The following MAD1L1 variants were observed in gnomAD, a reference collection of about 807,000 sequenced individuals.
The protein encoded by MAD1L1 is mitotic arrest deficient 1 like 1, also known as mitotic spindle assembly checkpoint protein MAD1.
A neutral mutation model predicts 96.9 loss-of-function variants in MAD1L1; 95 were observed. The ratio of observed to expected loss-of-function variants is 0.98; its 90% confidence interval spans 0.83 to 1.16. MAD1L1 has a LOEUF of 1.16. MAD1L1 is among the 50% of genes most tolerant of loss of function. The pLI, the probability that MAD1L1 is intolerant of heterozygous loss-of-function variation, is 0.00. For synonymous variants in MAD1L1, 473 were observed against 396.6 expected (o/e 1.19, Z -2.29); for missense variants, 1,007 against 954.4 (o/e 1.06, Z -0.73).
At chr7:2,138,425 C>T (rs1352411595) in intron 11 of MAD1L1, among the ~76,000 whole-genome samples, 6 of 152,156 alleles carry the variant, frequency 3.9e-5, no homozygotes, top group Admixed American at 2.0e-4. Context: ...ACGAGGTGGG[C>T]GCCAGACCAA....
chr7:1,817,489 T>TGATACACGCTGCCACG (rs1781876417), intron 18 of MAD1L1: 1 of 152,214 alleles, frequency 6.6e-6, no homozygotes, highest in African/African-American at 2.4e-5. Flanking sequence ...AGCCGAACTC[T>TGATACACGCTGCCACG]GATACACGCT....
chr7:2,222,538 G>C, intron 5 of MAD1L1, 37 bp downstream of exon 5: 1 of 1,510,118 alleles, frequency 6.6e-7, no homozygotes, highest in Non-Finnish European at 8.9e-7. Context: ...CCTCTCCTCG[G>C]GAAAACAGCT....
intron 12 of MAD1L1, among the ~76,000 whole-genome samples, chr7:2,047,920 TCA>T (rs1415112990): frequency 6.6e-6 from 1 of 151,800 alleles, no homozygotes; most frequent in Non-Finnish European, 1.5e-5. Context: ...AATGCACAGT[TCA>T]CACAGATGTG....
intron 10 of MAD1L1, among the ~76,000 whole-genome samples, chr7:2,173,717 C>T (rs1424896932): frequency 6.6e-6 from 1 of 152,216 alleles, no homozygotes; most frequent in Non-Finnish European, 1.5e-5. Flanking sequence ...CTGCTCCCTG[C>T]GTTCCAATCC....
chr7:1,856,615 A>G (rs1436952066), intron 18 of MAD1L1, among the ~76,000 whole-genome samples: 2 of 152,200 alleles, frequency 1.3e-5, no homozygotes, highest in Admixed American at 1.3e-4. Flanking sequence ...AGATTCATTA[A>G]TAAAGAAAAG....
chr7:1,839,327 CAGGAAAGCGTCCTGCCCCCTGCCT>C, intron 18 of MAD1L1, among the ~76,000 whole-genome samples: 1 of 64,542 alleles, frequency 1.5e-5, no homozygotes, highest in South Asian at 6.1e-4. Flanking sequence ...TCCTGCCTGG[CAGGAAAGCGTCCTGCCCCCTGCCT>C]GGCAGGAAAG....
chr7:2,081,478 C>A (rs3800884), intron 11 of MAD1L1, among the ~76,000 whole-genome samples: 6,934 of 152,326 alleles, frequency 0.046, 252 homozygotes, highest in African/African-American at 0.095. Flanking sequence ...AGGACACCAG[C>A]CTGTGGAGGG....
At chr7:1,988,158 T>A (rs1186245261) in intron 14 of MAD1L1, among the ~76,000 whole-genome samples, 1 of 152,212 alleles carries the variant, frequency 6.6e-6, no homozygotes, top group Non-Finnish European at 1.5e-5. Flanking sequence ...GAAGGTGGGA[T>A]CCAGGAAGAG....
intron 17 of MAD1L1, among the ~76,000 whole-genome samples, chr7:1,909,570 G>C (rs1234987859): frequency 6.6e-6 from 1 of 152,156 alleles, no homozygotes; most frequent in East Asian, 1.9e-4. Context: ...GGACCCCCCG[G>C]GATGTCACCC....
intron 5 of MAD1L1, among the ~76,000 whole-genome samples, chr7:2,221,958 G>C (rs576401022): frequency 6.6e-6 from 1 of 152,214 alleles, no homozygotes; most frequent in East Asian, 1.9e-4. Context: ...CTGAGGGAAG[G>C]GCTACCTGTC....
At chr7:1,935,478 A>C (rs895381562) in intron 17 of MAD1L1, among the ~76,000 whole-genome samples, 2 of 152,106 alleles carry the variant, frequency 1.3e-5, no homozygotes, top group Non-Finnish European at 1.5e-5. Flanking sequence ...CTAAGCCCCT[A>C]CCTGCCGGCA....
rs1340868650 is a variant in MAD1L1 at position 1,905,180 on chromosome 7, G to A, written c.1808-6790C>T. Among the ~76,000 whole-genome samples the A allele has an allele frequency of 3.3e-4, 31 of 92,618 alleles. 6 individuals are homozygous for A. Among genetic ancestry groups the A allele is most frequent in the East Asian group, 1.0e-3 (3 of 2,872 alleles). The allele number at this position is 92,618 out of a possible 152,430, so 60.8% of individuals were successfully genotyped here. A position where few individuals can be genotyped will look rare whatever the true frequency, so the allele number is the denominator to read the frequency against. On this transcript the variant is annotated intron_variant, in intron 17 of 18. Coordinates refer to ENST00000265854, the MANE Select transcript of MAD1L1 (RefSeq NM_001013836.2). ...AAGCACTGTTCCAGGCAGTGAGGAC[G>A]CAGTGGCCTACGGAAGACGCTCTTG...
chr7:1,980,324 T>A (rs1477596525), intron 15 of MAD1L1, 129 bp downstream of exon 15: 1 of 741,994 alleles, frequency 1.3e-6, no homozygotes, highest in Non-Finnish European at 2.2e-6. Context: ...CCTGGGCGTA[T>A]CCGCCTCCTC....
At chr7:2,107,095 G>T (rs559270475) in intron 11 of MAD1L1, among the ~76,000 whole-genome samples, 2 of 152,240 alleles carry the variant, frequency 1.3e-5, no homozygotes, top group South Asian at 4.1e-4. Context: ...TGGGACAGCC[G>T]GAGGGCCTGA....
At chr7:2,053,953 G>A (rs1784289561) in intron 12 of MAD1L1, among the ~76,000 whole-genome samples, 1 of 152,248 alleles carries the variant, frequency 6.6e-6, no homozygotes, top group Non-Finnish European at 1.5e-5. Context: ...GCCCTCATCG[G>A]GGTTTCTGAT....
intron 17 of MAD1L1, among the ~76,000 whole-genome samples, chr7:1,919,296 G>A (rs952485932): frequency 3.3e-5 from 5 of 152,248 alleles, no homozygotes; most frequent in South Asian, 2.1e-4. Flanking sequence ...CTCCCAGGCC[G>A]TCCAACACGG....
chr7:1,986,271 G>GT (rs1781135322), intron 14 of MAD1L1, among the ~76,000 whole-genome samples: 1 of 130,200 alleles, frequency 7.7e-6, no homozygotes, highest in Non-Finnish European at 1.9e-5. Context: ...TCAAGTACGT[G>GT]TGATGCACCT....
rs1210170612 is a variant in MAD1L1 at position 2,075,659 on chromosome 7, C to T, written c.1074-6321G>A. Among the ~76,000 whole-genome samples, 4 of 152,156 alleles carry T rather than the reference C, an allele frequency of 2.6e-5. No individual in the cohort carries two copies. The South Asian group carries it at 6.2e-4, about 24-fold the overall frequency. ...CTCTGAGCTTCTGAGCATCCATCTG[C>T]GCTGTGACCAGCCACTGCCGGCCAC... On this transcript the variant is annotated intron_variant, in intron 11 of 18. Coordinates refer to ENST00000265854, the MANE Select transcript of MAD1L1 (RefSeq NM_001013836.2).
At chr7:2,046,646 C>T (rs2128514546) in intron 12 of MAD1L1, among the ~76,000 whole-genome samples, 1 of 152,310 alleles carries the variant, frequency 6.6e-6, no homozygotes, top group East Asian at 1.9e-4. Context: ...CCGCCTCACC[C>T]GCCTGCCCTA....
Sources: allele counts gnomAD v4.1 joint callset (sites outside exome capture counted in the v4.1 genomes callset), GRCh38; gene constraint gnomAD v4.1.1; transcripts MANE v1.5; gene names NCBI Gene and HGNC (gene_info 2026-07-23, HGNC 2026-07-21).